Variants in SPOCK2 observed in about 807,000 individuals in gnomAD.
SPOCK2 encodes SPARC (osteonectin), cwcv and kazal like domains proteoglycan 2.
In SPOCK2, 39 loss-of-function variants were observed where a neutral mutation model predicts 60.1. The ratio of observed to expected loss-of-function variants is 0.65; its 90% confidence interval spans 0.50 to 0.85. SPOCK2 has a LOEUF of 0.85. SPOCK2 is among the 40% of genes least tolerant of loss of function. SPOCK2 has a pLI of 0.00. For missense variants in SPOCK2, 523 were observed against 567.4 expected (o/e 0.92, Z 0.80); for synonymous variants, 217 against 231.5 (o/e 0.94, Z 0.57).
At chr10:72,078,568 A>T (rs1274885580) in intron 1 of SPOCK2, among the ~76,000 whole-genome samples, 1 of 151,934 alleles carries the variant, frequency 6.6e-6, no homozygotes, top group Non-Finnish European at 1.5e-5. Context: ...AATAAAAAAT[A>T]TAATAAGTAT....
Position 72,067,738 on chromosome 10 carries a change from G to C in SPOCK2, c.590-6C>G. ...GTCCTGACCGGTGCAAGTCTCTGCA[G>C]AACAGAGAGAAGGCATGGAGGGCGA... On this transcript the variant is annotated splice_region_variant and splice_polypyrimidine_tract_variant and intron_variant, in intron 6 of 10. Transcript: ENST00000373109. 1 of 1,612,572 alleles carries C rather than the reference G, an allele frequency of 6.2e-7. No individual in the cohort carries two copies. Among genetic ancestry groups the C allele is most frequent in the South Asian group, 1.1e-5 (1 of 90,810 alleles).
At position 72,059,934 on chromosome 10, in the gene SPOCK2, C is replaced by T. The variant is rs1213668762; in HGVS notation, c.*2826G>A. On this transcript the variant is annotated 3_prime_UTR_variant, in exon 11 of 11. Transcript: ENST00000373109. ...GGGCAGCCAAGGGGAGTTCCAGGAC[C>T]AAGCAAGCAAGAAACCGTTCTTTGA... 6.5e-6 allele frequency: 1 copy of T among 152,750 alleles called. No individual in the cohort carries two copies. Among genetic ancestry groups the T allele is most frequent in the African/African-American group, 2.4e-5 (1 of 41,442 alleles). 9.5% of individuals were successfully genotyped at this position (152,750 alleles called of 1,614,324 possible).
intron 6 of SPOCK2, among the ~76,000 whole-genome samples, 167 bp downstream of exon 6, chr10:72,068,020 C>T (rs556165033): frequency 1.8e-4 from 27 of 152,354 alleles, no homozygotes; most frequent in Non-Finnish European, 3.4e-4. Context: ...CCCACGCCTC[C>T]TGCTCTGTGT....
At chr10:72,080,972 G>A (rs1389651522) in intron 1 of SPOCK2, among the ~76,000 whole-genome samples, 1 of 152,118 alleles carries the variant, frequency 6.6e-6, no homozygotes, top group Non-Finnish European at 1.5e-5. Flanking sequence ...AGAGAACAGC[G>A]GGAGGTGTGA....
intron 1 of SPOCK2, among the ~76,000 whole-genome samples, chr10:72,076,433 G>A (rs998500091): frequency 6.6e-6 from 1 of 152,176 alleles, no homozygotes. Flanking sequence ...TCAGGAAACA[G>A]AGGCCCCGTT....
At chr10:72,070,167 G>T in intron 5 of SPOCK2, 145 bp downstream of exon 5, 1 of 692,844 alleles carries the variant, frequency 1.4e-6, no homozygotes, top group Non-Finnish European at 2.4e-6. Context: ...CAGTATGGCT[G>T]GCTGCATTGA....
chr10:72,072,314 GC>G, intron 3 of SPOCK2, 56 bp from the exon 4 acceptor site: 1 of 1,471,052 alleles, frequency 6.8e-7, no homozygotes, highest in Admixed American at 2.5e-5. Context: ...GGAACCTCCA[GC>G]CCCACTTCTG....
At chr10:72,081,129 C>A (rs1308925939) in intron 1 of SPOCK2, among the ~76,000 whole-genome samples, 1 of 152,166 alleles carries the variant, frequency 6.6e-6, no homozygotes, top group Non-Finnish European at 1.5e-5. Context: ...AGGGGAAGAG[C>A]CCCAGGCCAC....
chr10:72,070,408 C>T lies in SPOCK2; in HGVS notation c.378G>A (p.Val126=). The change falls in exon 5 of 11, where the codon GTG becomes GTA. Residue 126 remains valine, a synonymous_variant. Transcript: ENST00000373109. ...TGGAGTCTTTGTTTCCATGGAGTTT[C>T]ACGGTCGGCTGCTTGATCCTACAGG... is the stretch of plus-strand genomic sequence containing the variant. ...KLEHRIKQPT[V]KLHGNKDSIC... is the part of the protein sequence containing the mutation. 1 of 1,614,146 alleles carries T rather than the reference C, an allele frequency of 6.2e-7. No individual in the cohort carries two copies.
intron 1 of SPOCK2, among the ~76,000 whole-genome samples, chr10:72,075,888 C>A (rs75014074): frequency 0.023 from 3,560 of 152,216 alleles, 110 homozygotes; most frequent in African/African-American, 0.066. Flanking sequence ...CCAGGCTTCC[C>A]CCGACCAGTG....
chr10:72,084,200 T>A (rs1192281603), intron 1 of SPOCK2, among the ~76,000 whole-genome samples: 1 of 152,174 alleles, frequency 6.6e-6, no homozygotes, highest in East Asian at 1.9e-4. Flanking sequence ...GCCCTAGAAA[T>A]GAGGACCCAT....
rs41282248 is a variant in SPOCK2, at chr10:72,059,254, G to A, written c.*3506C>T. The stretch of plus-strand genomic sequence containing the variant: ...ACGGGACTCTTGAGTGCCCATCAAC[G>A]CACACGCACACAGTCTAACACTTTG... On this transcript the variant is annotated 3_prime_UTR_variant, in exon 11 of 11. Coordinates refer to ENST00000373109, the MANE Select transcript of SPOCK2 (RefSeq NM_001244950.2). 4,933 of 152,702 alleles carry A rather than the reference G, an allele frequency of 0.032. 149 individuals are homozygous for A. Among genetic ancestry groups the A allele is most frequent in the Non-Finnish European group, 0.045 (3,038 of 68,028 alleles). 9.5% of individuals were successfully genotyped at this position (152,702 alleles called of 1,614,324 possible).
At chr10:72,084,015 C>A (rs964727114) in intron 1 of SPOCK2, among the ~76,000 whole-genome samples, 7 of 152,132 alleles carry the variant, frequency 4.6e-5, no homozygotes, top group Non-Finnish European at 1.5e-5. Flanking sequence ...TACTTGCCTT[C>A]TTGGTGTTCC....
intron 8 of SPOCK2, among the ~76,000 whole-genome samples, chr10:72,065,411 G>A (rs1398524202): frequency 6.6e-6 from 1 of 152,236 alleles, no homozygotes; most frequent in African/African-American, 2.4e-5. Flanking sequence ...CACATAACAT[G>A]CTGCACAGGT....
intron 5 of SPOCK2, 25 bp downstream of exon 5, chr10:72,070,287 C>T: frequency 6.2e-7 from 1 of 1,611,376 alleles, no homozygotes; most frequent in Non-Finnish European, 8.5e-7. Context: ...CCACCCCCAC[C>T]CTACCTGGGG....
intron 1 of SPOCK2, chr10:72,086,462 C>G: frequency 9.5e-7 from 1 of 1,052,814 alleles, no homozygotes; most frequent in Non-Finnish European, 1.1e-6. Flanking sequence ...TTCACTGGTC[C>G]CATTTTGGCA....
intron 1 of SPOCK2, among the ~76,000 whole-genome samples, chr10:72,082,147 C>T (rs190994305): frequency 6.6e-6 from 1 of 152,316 alleles, no homozygotes; most frequent in Admixed American, 6.5e-5. Context: ...CAGCATCCAA[C>T]CTGTGCCAAA....
chr10:72,079,266 G>A (rs1840753553), intron 1 of SPOCK2, among the ~76,000 whole-genome samples: 1 of 152,086 alleles, frequency 6.6e-6, no homozygotes, highest in Non-Finnish European at 1.5e-5. Context: ...CTAGGCCAGG[G>A]GTGGGTCCCA....
At chr10:72,081,136 C>T (rs1840778766) in intron 1 of SPOCK2, among the ~76,000 whole-genome samples, 1 of 152,176 alleles carries the variant, frequency 6.6e-6, no homozygotes, top group Non-Finnish European at 1.5e-5. Flanking sequence ...GAGCCCCAGG[C>T]CACAAGAGGA....
Sources: allele counts gnomAD v4.1 joint callset (sites outside exome capture counted in the v4.1 genomes callset), GRCh38; gene constraint gnomAD v4.1.1; transcripts MANE v1.5; gene names NCBI Gene and HGNC (gene_info 2026-07-23, HGNC 2026-07-21).